Variants in NELL1 observed in about 807,000 individuals in gnomAD.
The protein encoded by NELL1 is neural EGFL like 1.
In NELL1, 76 loss-of-function variants were observed where a neutral mutation model predicts 107.4. The observed-to-expected ratio is 0.71, with a 90% CI of 0.59 to 0.86. The LOEUF (loss-of-function observed/expected upper bound fraction) is 0.86. Among genes scored for constraint, NELL1 ranks in the 40% least tolerant of loss-of-function variants. The probability of loss-of-function intolerance (pLI) is 0.00; values close to 1 mark genes in which losing one functional copy is unlikely to be tolerated. For missense variants in NELL1, 1,024 were observed against 1,005.5 expected, an observed-to-expected ratio of 1.02 and a Z score of -0.25; for synonymous variants, 353 against 341.2, an observed-to-expected ratio of 1.03 and a Z score of -0.38.
chr11:20,773,012 C>T (rs1388945899), intron 2 of NELL1, among the ~76,000 whole-genome samples: 1 of 152,176 alleles, frequency 6.6e-6, no homozygotes, highest in African/African-American at 2.4e-5. Context: ...GCTGGCTGGA[C>T]TTAGATTGGA....
chr11:21,193,695 A>T (rs1191125665), intron 13 of NELL1, among the ~76,000 whole-genome samples: 1 of 151,868 alleles, frequency 6.6e-6, no homozygotes, highest in Non-Finnish European at 1.5e-5. Flanking sequence ...AACACCAAAA[A>T]ATTTCACAGA....
At chr11:20,718,460 TC>T (rs1209502549) in intron 2 of NELL1, among the ~76,000 whole-genome samples, 1 of 45,886 alleles carries the variant, frequency 2.2e-5, no homozygotes, top group African/African-American at 5.4e-5. Context: ...GTTTATTTAT[TC>T]ATTTTTTTTT....
intron 3 of NELL1, among the ~76,000 whole-genome samples, chr11:20,802,324 T>C (rs952030640): frequency 6.6e-6 from 1 of 152,284 alleles, no homozygotes; most frequent in Middle Eastern, 3.4e-3. Context: ...AATTCCTAAG[T>C]ATTTTCTTTT....
At chr11:20,711,875 G>A (rs1316591403) in intron 2 of NELL1, among the ~76,000 whole-genome samples, 1 of 152,048 alleles carries the variant, frequency 6.6e-6, no homozygotes, top group Non-Finnish European at 1.5e-5. Context: ...AGATCATTTT[G>A]CAATGAATTT....
chr11:21,360,663 G>C (rs555248006), intron 14 of NELL1, among the ~76,000 whole-genome samples: 1 of 152,078 alleles, frequency 6.6e-6, no homozygotes, highest in African/African-American at 2.4e-5. Flanking sequence ...TTGTAAATTT[G>C]GGAGCTCCAG....
At chr11:20,860,199 G>T (rs1848953969) in intron 4 of NELL1, among the ~76,000 whole-genome samples, 1 of 152,126 alleles carries the variant, frequency 6.6e-6, no homozygotes, top group African/African-American at 2.4e-5. Context: ...GGGGCCTCTT[G>T]TGTTTTACAC....
At chr11:20,815,749 A>G (rs972785704) in intron 3 of NELL1, among the ~76,000 whole-genome samples, 1 of 152,130 alleles carries the variant, frequency 6.6e-6, no homozygotes, top group Non-Finnish European at 1.5e-5. Flanking sequence ...CCAGAATGGT[A>G]TTTCCTAGAT....
intron 12 of NELL1, among the ~76,000 whole-genome samples, chr11:21,039,228 C>A (rs550504261): frequency 6.6e-6 from 1 of 151,912 alleles, no homozygotes; most frequent in African/African-American, 2.4e-5. Flanking sequence ...TGCTGTCTCC[C>A]GGGCTGGAGT....
At chr11:21,416,958 T>A (rs1442920115) in intron 15 of NELL1, among the ~76,000 whole-genome samples, 1 of 151,768 alleles carries the variant, frequency 6.6e-6, no homozygotes, top group Non-Finnish European at 1.5e-5. Flanking sequence ...TATAAGTTTA[T>A]TTTTTTTAGT....
intron 15 of NELL1, among the ~76,000 whole-genome samples, chr11:21,483,852 T>C (rs1382278354): frequency 8.7e-6 from 1 of 114,522 alleles, no homozygotes; most frequent in African/African-American, 3.0e-5. Context: ...ATATATAGTA[T>C]ATATATACAT....
chr11:21,061,351 C>T (rs948083552), intron 12 of NELL1, among the ~76,000 whole-genome samples: 9 of 152,080 alleles, frequency 5.9e-5, no homozygotes, highest in African/African-American at 2.4e-5. Flanking sequence ...GTAGGATTGG[C>T]TTTATCAAAG....
At chr11:21,289,167 C>T (rs1409646060) in intron 14 of NELL1, among the ~76,000 whole-genome samples, 3 of 152,180 alleles carry the variant, frequency 2.0e-5, no homozygotes, top group African/African-American at 7.2e-5. Flanking sequence ...ATTGATGTGA[C>T]CATTTTTGGA....
chr11:21,368,993 C>G (rs1000870003), intron 14 of NELL1, among the ~76,000 whole-genome samples: 1 of 152,016 alleles, frequency 6.6e-6, no homozygotes, highest in East Asian at 1.9e-4. Flanking sequence ...TCATAAAACC[C>G]TCCACTGTAT....
At chr11:21,517,196 C>G (rs980849354) in intron 15 of NELL1, among the ~76,000 whole-genome samples, 2 of 152,080 alleles carry the variant, frequency 1.3e-5, no homozygotes, top group African/African-American at 4.8e-5. Context: ...TCATGGGGAC[C>G]TCAACTTTTC....
intron 2 of NELL1, among the ~76,000 whole-genome samples, chr11:20,737,923 G>A (rs113851917): frequency 0.039 from 5,933 of 150,346 alleles, 378 homozygotes; most frequent in African/African-American, 0.14. Context: ...ATGTTTATAC[G>A]TGGATTTGTT....
intron 12 of NELL1, among the ~76,000 whole-genome samples, chr11:21,079,358 T>C (rs1854212365): frequency 6.6e-6 from 1 of 151,932 alleles, no homozygotes; most frequent in South Asian, 2.1e-4. Context: ...AGAAAATAAA[T>C]ACAAGAATAA....
chr11:21,027,010 C>A (rs545282932), intron 12 of NELL1, among the ~76,000 whole-genome samples: 55 of 152,134 alleles, frequency 3.6e-4, no homozygotes, highest in Non-Finnish European at 1.8e-4. Context: ...TTCCCAGCAT[C>A]CTGGGAAAGA....
chr11:21,081,113 C>G (rs1272439352), intron 12 of NELL1, among the ~76,000 whole-genome samples: 2 of 152,086 alleles, frequency 1.3e-5, no homozygotes, highest in Non-Finnish European at 2.9e-5. Flanking sequence ...AATTCCATTT[C>G]CAGCCTTATC....
chr11:20,893,873 A>G (rs1849671098), intron 5 of NELL1, among the ~76,000 whole-genome samples: 1 of 151,128 alleles, frequency 6.6e-6, no homozygotes. Context: ...AAAAAAAAAG[A>G]AAAATAGGCC....
Sources: allele counts gnomAD v4.1 joint callset (sites outside exome capture counted in the v4.1 genomes callset), GRCh38; gene constraint gnomAD v4.1.1; transcripts MANE v1.5; gene names NCBI Gene and HGNC (gene_info 2026-07-23, HGNC 2026-07-21).